Variants in ZNF282 observed in about 807,000 individuals in gnomAD.
ZNF282 encodes zinc finger protein 282.
In ZNF282, 30 loss-of-function variants were observed where a neutral mutation model predicts 61.9. The ratio of observed to expected loss-of-function variants is 0.48; its 90% CI spans 0.36 to 0.66. The LOEUF is 0.66. Ranked by LOEUF, ZNF282 falls within the 30% of genes least tolerant of loss-of-function variation. The pLI, the probability that ZNF282 is intolerant of heterozygous loss-of-function variation, is 0.00. For synonymous variants in ZNF282, 396 were observed against 405.0 expected, an observed-to-expected ratio of 0.98 and a Z score of 0.27; for missense variants, 788 against 941.4, an observed-to-expected ratio of 0.84 and a Z score of 2.13.
At chr7:149,215,392 G>A (rs778825815) in intron 7 of ZNF282, among the ~76,000 whole-genome samples, 3 of 151,926 alleles carry the variant, frequency 2.0e-5, no homozygotes, top group Admixed American at 6.6e-5. Flanking sequence ...TAGTAGAGAC[G>A]AGGTTGCACC....
Position 149,198,185 on chromosome 7 carries a change from TG to T in ZNF282, c.166-143del. The T allele has an allele frequency of 1.1e-6, 1 of 872,238 alleles. No individual in the cohort carries two copies. Among genetic ancestry groups the T allele is most frequent in the South Asian group, 1.8e-5 (1 of 55,510 alleles). 54.0% of individuals were successfully genotyped at this position (872,238 alleles called of 1,614,324 possible). ...GGGTGGGTGAGTGGGTAGCTGTTGC[TG>T]GGGGTGTTAGTGTATCCTGAGTTAC... On this transcript the variant is annotated intron_variant, in intron 1 of 7. Coordinates refer to ENST00000610704, the MANE Select transcript of ZNF282 (RefSeq NM_003575.4). The surrounding 1 kb of genome is among the most constrained non-coding windows in gnomAD (Gnocchi z 4.3).
chr7:149,195,901 A>G, intron 1 of ZNF282, 147 bp downstream of exon 1: 1 of 674,516 alleles, frequency 1.5e-6, no homozygotes, highest in Non-Finnish European at 1.8e-6. Flanking sequence ...CGGGCGGGGC[A>G]CGGCCGGGCT....
intron 3 of ZNF282, 24 bp downstream of exon 3, chr7:149,206,846 T>C: frequency 1.2e-6 from 2 of 1,613,444 alleles, no homozygotes; most frequent in Non-Finnish European, 1.7e-6. Flanking sequence ...CTCTCCTCTT[T>C]GGTGAGCCAT....
At chr7:149,196,927 C>G (rs1001841308) in intron 1 of ZNF282, among the ~76,000 whole-genome samples, 1 of 152,194 alleles carries the variant, frequency 6.6e-6, no homozygotes, top group African/African-American at 2.4e-5. Context: ...CTGCCCAGAT[C>G]GCCCCAAGCA....
intron 4 of ZNF282, 50 bp downstream of exon 4, chr7:149,207,520 C>T (rs1264337034): frequency 1.3e-6 from 2 of 1,549,972 alleles, no homozygotes; most frequent in Non-Finnish European, 1.7e-6. Context: ...CGAGAGAGGA[C>T]AGCCGGCTTT....
intron 2 of ZNF282, among the ~76,000 whole-genome samples, chr7:149,202,616 A>G (rs1795929429): frequency 6.7e-6 from 1 of 150,324 alleles, no homozygotes; most frequent in African/African-American, 2.5e-5. Flanking sequence ...GCCTGGCCTA[A>G]TTTTTGTATT....
intron 2 of ZNF282, among the ~76,000 whole-genome samples, chr7:149,200,452 T>G (rs1463058388): frequency 1.3e-5 from 2 of 152,212 alleles, no homozygotes; most frequent in Non-Finnish European, 2.9e-5. Flanking sequence ...CACCAGCTGC[T>G]GTGTCTCATT....
In ZNF282 at chr7:149,222,679, C is replaced by T. The variant is rs573652194; in HGVS notation, c.1181-1133C>T. 6.6e-5 allele frequency among the ~76,000 whole-genome samples: 10 copies of T among 152,222 alleles called. No individual in the cohort carries two copies. The East Asian group carries it at 9.7e-4, about 15-fold the overall frequency. On this transcript the variant is annotated intron_variant, in intron 7 of 7. Coordinates refer to ENST00000610704, the MANE Select transcript of ZNF282 (RefSeq NM_003575.4). ...TTATTTATTTTTTGAGTCAGAGTCTCGCTCTGTCGCCAGGCTGGAGTGCAG... is the reference window on the plus strand; with the variant it reads ...TTATTTATTTTTTGAGTCAGAGTCTTGCTCTGTCGCCAGGCTGGAGTGCAG...
chr7:149,200,920 C>T (rs1585560478), intron 2 of ZNF282, among the ~76,000 whole-genome samples: 1 of 152,180 alleles, frequency 6.6e-6, no homozygotes, highest in African/African-American at 2.4e-5. Flanking sequence ...TAAAAGCAAT[C>T]TGTATGCTCT....
At chr7:149,195,866 T>G in intron 1 of ZNF282, 112 bp downstream of exon 1, 1 of 1,019,536 alleles carries the variant, frequency 9.8e-7, no homozygotes, top group East Asian at 5.3e-5. Flanking sequence ...CCCTCCCAGC[T>G]TCCGCGCCCA....
At chr7:149,217,388 AC>A (rs1211914400) in intron 7 of ZNF282, among the ~76,000 whole-genome samples, 4 of 151,686 alleles carry the variant, frequency 2.6e-5, no homozygotes, top group African/African-American at 4.8e-5. Flanking sequence ...AATACAAAAA[AC>A]AAACAAACAA....
chr7:149,203,864 G>A lies in ZNF282; in HGVS notation c.586-2832G>A, dbSNP rs73477968. Among the ~76,000 whole-genome samples the A allele has an allele frequency of 2.4e-3, 371 of 152,252 alleles. 1 individual carries two copies. Among genetic ancestry groups the A allele is most frequent in the African/African-American group, 8.4e-3 (349 of 41,550 alleles). ...GAGGATTAATTAATTTTATTTGTGG[G>A]AAGACACTATGTAGATTATTGTGTT... On this transcript the variant is annotated intron_variant, in intron 2 of 7. Coordinates refer to ENST00000610704, the MANE Select transcript of ZNF282 (RefSeq NM_003575.4).
intron 4 of ZNF282, 51 bp from the exon 5 acceptor site, chr7:149,210,534 C>T (rs1192898039): frequency 1.3e-6 from 2 of 1,593,942 alleles, no homozygotes. Context: ...AGCAGAGCTC[C>T]TGGTGCCTGC....
Position 149,214,620 on chromosome 7 carries a change from A to C in ZNF282, c.1180+806A>C, listed in dbSNP as rs1563179389. 2.0e-5 allele frequency among the ~76,000 whole-genome samples: 3 copies of C among 152,134 alleles called. No homozygotes were observed. The East Asian group carries it at 5.8e-4, about 29-fold the overall frequency. ...TGAGGTGGAAGGATCTCTTGAGCTC[A>C]GGAGTTTGAAACTAGCCTGGGTAAC... is the stretch of plus-strand genomic sequence containing the variant. On this transcript the variant is annotated intron_variant, in intron 7 of 7. Coordinates refer to ENST00000610704, the MANE Select transcript of ZNF282 (RefSeq NM_003575.4).
At position 149,210,607 on chromosome 7, in the gene ZNF282, G is replaced by T. The variant is rs773323058; in HGVS notation, c.855G>T (p.Ala285=). 6.2e-7 allele frequency: 1 copy of T among 1,611,974 alleles called. No homozygotes were observed. Among genetic ancestry groups the T allele is most frequent in the Non-Finnish European group, 8.5e-7 (1 of 1,179,238 alleles). Residue 285 remains alanine, a synonymous_variant, in exon 5 of 8, where the codon GCG becomes GCT. Transcript: ENST00000610704. ...CAGGAGCAGAGCCCCTGGTGCCTGC[G>T]CAGGATGCGTCCTCCCAGGTGAAGC... ...PEAGAEPLVP[A]QDASSQVKRE... is the part of the protein sequence containing the mutation.
chr7:149,210,689 A>T lies in ZNF282; in HGVS notation c.937A>T (p.Thr313Ser), dbSNP rs1188460922. 1.2e-6 allele frequency: 2 copies of T among 1,602,222 alleles called. No homozygotes were observed. The highest frequency in any genetic ancestry group is 4.5e-5 in the East Asian group (2 of 44,606). Reference sequence around the variant, plus strand: ...GGGCCTGGAGGAAAGAGCCATCCCTACGGAATCCATTACCGGTGAGTGAGC... The same window carrying T: ...GGGCCTGGAGGAAAGAGCCATCCCTTCGGAATCCATTACCGGTGAGTGAGC... The part of the protein sequence containing the change: ...QRGLEERAIP[T>S]ESITDSPISA... The change falls in exon 5 of 8, where the codon ACG becomes TCG. Residue 313 changes from threonine (T) to serine (S), a missense_variant. Thr to Ser is a moderately conservative substitution (Grantham distance 58). Around this residue, in one of 3 missense-constraint regions of ZNF282, gnomAD observed 559 missense variants for 642.0 expected, o/e 0.87. Transcript: ENST00000610704.
At chr7:149,210,157 A>G (rs921919816) in intron 4 of ZNF282, among the ~76,000 whole-genome samples, 1 of 152,048 alleles carries the variant, frequency 6.6e-6, no homozygotes, top group Admixed American at 6.6e-5. Context: ...TCTGGCCTCA[A>G]CCTGGCCAGC....
At chr7:149,201,200 A>G (rs1795903641) in intron 2 of ZNF282, among the ~76,000 whole-genome samples, 1 of 152,014 alleles carries the variant, frequency 6.6e-6, no homozygotes, top group Non-Finnish European at 1.5e-5. Context: ...TCTCTTTCTC[A>G]CACCCTACTT....
At chr7:149,202,541 C>T (rs1795927981) in intron 2 of ZNF282, among the ~76,000 whole-genome samples, 1 of 151,948 alleles carries the variant, frequency 6.6e-6, no homozygotes, top group Non-Finnish European at 1.5e-5. Context: ...GTTTCGAACT[C>T]CTGACCTCGT....
Sources: allele counts gnomAD v4.1 joint callset (sites outside exome capture counted in the v4.1 genomes callset), GRCh38; gene constraint gnomAD v4.1.1; regional missense constraint gnomAD v4.1.1; non-coding constraint Gnocchi (gnomAD v3.1); transcripts MANE v1.5; gene names NCBI Gene and HGNC (gene_info 2026-07-23, HGNC 2026-07-21).